NFX1: variants seen among roughly 807,000 people sequenced by gnomAD.
NFX1 encodes nuclear transcription factor, X-box binding 1.
In NFX1, 69 loss-of-function variants were observed where a neutral mutation model predicts 137.2. The ratio of observed to expected loss-of-function variants is 0.50; its 90% confidence interval spans 0.41 to 0.61. The LOEUF is 0.61. Ranked by LOEUF, NFX1 falls within the 20% of genes least tolerant of loss-of-function variation. The pLI, the probability that NFX1 is intolerant of heterozygous loss-of-function variation, is 0.00. For missense variants in NFX1, 1,167 were observed against 1,391.0 expected (o/e 0.84, Z 2.56); for synonymous variants, 495 against 474.1 (o/e 1.04, Z -0.57).
chr9:33,336,717 A>G (rs844216), intron 11 of NFX1, among the ~76,000 whole-genome samples: 126,275 of 152,184 alleles, frequency 0.83, 52,519 homozygotes, highest in Non-Finnish European at 0.84. Context: ...CCTCCCACAC[A>G]AGCCTCCCAA....
At position 33,311,098 on chromosome 9, in the gene NFX1, T is replaced by C. The variant is rs761277333; in HGVS notation, c.1377-8T>C. Reference sequence around the variant, plus strand: ...TGTGGTTTATTCAGTGAAACCTTTCTCTTTCAGTCTCTGCCATCCAGGACC... The same window carrying C: ...TGTGGTTTATTCAGTGAAACCTTTCCCTTTCAGTCTCTGCCATCCAGGACC... On this transcript the variant is annotated splice_polypyrimidine_tract_variant and splice_region_variant and intron_variant, in intron 5 of 23. Coordinates refer to ENST00000379540, the MANE Select transcript of NFX1 (RefSeq NM_002504.6). 3.1e-6 allele frequency: 5 copies of C among 1,614,096 alleles called. No homozygotes were observed. The highest frequency in any genetic ancestry group is 1.7e-5 in the Admixed American group (1 of 60,016).
At chr9:33,296,458 T>C (rs957792912) in intron 2 of NFX1, among the ~76,000 whole-genome samples, 4 of 152,366 alleles carry the variant, frequency 2.6e-5, no homozygotes, top group Non-Finnish European at 4.4e-5. Context: ...CCAGGCATGG[T>C]GGCTCACACC....
chr9:33,357,684 A>G (rs1190502680), intron 19 of NFX1, among the ~76,000 whole-genome samples: 1 of 148,336 alleles, frequency 6.7e-6, no homozygotes, highest in Non-Finnish European at 1.5e-5. Context: ...GGCACACACC[A>G]CTACGCCTGG....
chr9:33,299,829 C>T (rs959854578), intron 2 of NFX1, among the ~76,000 whole-genome samples: 1 of 152,228 alleles, frequency 6.6e-6, no homozygotes, highest in South Asian at 2.1e-4. Context: ...ACTCTCCCTT[C>T]TCCTGAGCTT....
At chr9:33,359,310 A>C (rs186060947) in intron 19 of NFX1, among the ~76,000 whole-genome samples, 1 of 151,974 alleles carries the variant, frequency 6.6e-6, no homozygotes, top group African/African-American at 2.4e-5. Flanking sequence ...AATAATAGAT[A>C]TTCCTTGGCC....
In NFX1 at chr9:33,337,916, G is replaced by A. The variant is rs190771544; in HGVS notation, c.2036-594G>A. 2.5e-3 allele frequency among the ~76,000 whole-genome samples: 373 copies of A among 152,204 alleles called. 2 individuals carry two copies. Among genetic ancestry groups the A allele is most frequent in the African/African-American group, 8.6e-3 (357 of 41,520 alleles). On this transcript the variant is annotated intron_variant, in intron 11 of 23. Coordinates refer to ENST00000379540, the MANE Select transcript of NFX1 (RefSeq NM_002504.6). ...ATACAAAAATTAGCCGGGCGTGGTG[G>A]CGCACACCTGTAATCCCAGCTACTC...
intron 9 of NFX1, among the ~76,000 whole-genome samples, chr9:33,320,830 C>T (rs1434135378): frequency 6.6e-6 from 1 of 152,176 alleles, no homozygotes; most frequent in African/African-American, 2.4e-5. Flanking sequence ...GGTTTGGTTT[C>T]CATTTCATCA....
chr9:33,319,061 A>G lies in NFX1; in HGVS notation c.1840A>G (p.Thr614Ala). 1.2e-6 allele frequency: 2 copies of G among 1,614,190 alleles called. No homozygotes were observed. Among genetic ancestry groups the G allele is most frequent in the Non-Finnish European group, 1.7e-6 (2 of 1,180,038 alleles). ...AGAACTTGGAAGTAGTAGTCGGAAA[A>G]CATGCATGGACCCTGTGCCTTCATG... ...LLELGSSSRK[T>A]CMDPVPSCGK... is the part of the protein sequence containing the mutation. The change falls in exon 9 of 24, where the codon ACA (threonine) becomes GCA (alanine). Residue 614 changes from threonine (T) to alanine (A), a missense_variant. Transcript: ENST00000379540.
At chr9:33,302,292 T>C (rs1306485585) in intron 3 of NFX1, among the ~76,000 whole-genome samples, 1 of 151,994 alleles carries the variant, frequency 6.6e-6, no homozygotes, top group Admixed American at 6.6e-5. Context: ...TTTTGAAATA[T>C]ATAATAAATT....
At chr9:33,319,253 A>G (rs976205413) in intron 9 of NFX1, 126 bp downstream of exon 9, 23 of 785,686 alleles carry the variant, frequency 2.9e-5, no homozygotes, top group Non-Finnish European at 4.6e-5. Context: ...TTATGATCAT[A>G]TTTATGTAGG....
At chr9:33,350,750 G>A (rs1205466397) in intron 15 of NFX1, among the ~76,000 whole-genome samples, 1 of 152,194 alleles carries the variant, frequency 6.6e-6, no homozygotes, top group Admixed American at 6.5e-5. Flanking sequence ...CAGCTAATCA[G>A]AAGACTAAGG....
chr9:33,295,534 T>G, intron 2 of NFX1, 107 bp downstream of exon 2: 1 of 1,268,164 alleles, frequency 7.9e-7, no homozygotes, highest in Non-Finnish European at 1.1e-6. Flanking sequence ...AAAGTTACAC[T>G]GTAAAAAGTC....
Position 33,321,229 on chromosome 9 carries a change from C to T in NFX1, c.1906+2102C>T, listed in dbSNP as rs1429940173. Among the ~76,000 whole-genome samples, 23 of 152,058 alleles carry T rather than the reference C, an allele frequency of 1.5e-4. 1 individual carries two copies. On this transcript the variant is annotated intron_variant, in intron 9 of 23. Coordinates refer to ENST00000379540, the MANE Select transcript of NFX1 (RefSeq NM_002504.6). ...TGAGCAAGAGAAGGGTAGTAACTGGCAGTAACAGACCTTGGGATGGGACAA... is the reference window on the plus strand; with the variant it reads ...TGAGCAAGAGAAGGGTAGTAACTGGTAGTAACAGACCTTGGGATGGGACAA...
chr9:33,356,122 G>C (rs1040316569), intron 19 of NFX1, among the ~76,000 whole-genome samples: 1 of 152,180 alleles, frequency 6.6e-6, no homozygotes, highest in Non-Finnish European at 1.5e-5. Context: ...TCCCATTGCT[G>C]TACATTTTTG....
At chr9:33,350,625 C>T (rs930796100) in intron 15 of NFX1, among the ~76,000 whole-genome samples, 3 of 152,212 alleles carry the variant, frequency 2.0e-5, no homozygotes, top group East Asian at 1.9e-4. Context: ...TTGTTTTCTT[C>T]ATCTCAAACT....
At chr9:33,361,039 A>G (rs1393445003) in intron 19 of NFX1, among the ~76,000 whole-genome samples, 1 of 152,228 alleles carries the variant, frequency 6.6e-6, no homozygotes, top group African/African-American at 2.4e-5. Context: ...CACTTACTCC[A>G]CATTGATCAA....
chr9:33,357,038 C>T (rs1185492384), intron 19 of NFX1, among the ~76,000 whole-genome samples: 5 of 148,336 alleles, frequency 3.4e-5, no homozygotes, highest in South Asian at 2.1e-4. Context: ...TCACCATGGC[C>T]GTAATGGTGG....
At chr9:33,301,679 T>C (rs1052192896) in intron 3 of NFX1, among the ~76,000 whole-genome samples, 1 of 152,240 alleles carries the variant, frequency 6.6e-6, no homozygotes, top group African/African-American at 2.4e-5. Flanking sequence ...GGCTTTTACT[T>C]ATTATTTTTT....
chr9:33,311,663 C>T (rs1047171333), intron 6 of NFX1, among the ~76,000 whole-genome samples: 4 of 152,126 alleles, frequency 2.6e-5, no homozygotes, highest in African/African-American at 9.7e-5. Context: ...AGCAATTCTC[C>T]TGCCTCAGCC....
Sources: gnomAD v4.1 joint callset for allele counts (sites outside exome capture counted in the v4.1 genomes callset) on GRCh38, gnomAD v4.1.1 for gene constraint, MANE v1.5 for transcripts, NCBI Gene and HGNC (gene_info 2026-07-23, HGNC 2026-07-21) for gene names.